Variants in CD151 observed in about 807,000 individuals in gnomAD.
The protein encoded by CD151 is CD151 antigen.
A neutral mutation model predicts 34.2 loss-of-function variants in CD151; 20 were observed. The ratio of observed to expected loss-of-function variants is 0.58; its 90% CI spans 0.41 to 0.85. CD151 has a LOEUF of 0.85. Ranked by LOEUF, CD151 falls within the 40% of genes least tolerant of loss-of-function variation. The pLI, the probability that CD151 is intolerant of heterozygous loss-of-function variation, is 0.00. For synonymous variants in CD151, 157 were observed against 131.7 expected (o/e 1.19, Z -1.32); for missense variants, 306 against 324.5 (o/e 0.94, Z 0.44).
At chr11:833,232 C>T (rs1485528846) in intron 1 of CD151, among the ~76,000 whole-genome samples, 2 of 151,730 alleles carry the variant, frequency 1.3e-5, no homozygotes, top group Non-Finnish European at 2.9e-5. Flanking sequence ...CCTCGCCTGC[C>T]CTTCCGCGGG....
chr11:833,238 G>A (rs1242155828), intron 1 of CD151, among the ~76,000 whole-genome samples: 1 of 151,920 alleles, frequency 6.6e-6, no homozygotes, highest in Non-Finnish European at 1.5e-5. Flanking sequence ...CTGCCCTTCC[G>A]CGGGAGGCGG....
At chr11:837,757 G>GT in intron 7 of CD151, 139 bp downstream of exon 7, 1 of 938,912 alleles carries the variant, frequency 1.1e-6, no homozygotes, top group Non-Finnish European at 1.6e-6. Flanking sequence ...GATGTGGGCA[G>GT]TGAGACCACA....
chr11:838,598 C>G lies in CD151; in HGVS notation c.*406C>G. On this transcript the variant is annotated 3_prime_UTR_variant, in exon 9 of 9. Coordinates refer to ENST00000397420, the MANE Select transcript of CD151 (RefSeq NM_004357.5). ...TTGGGGAAGCCAGGTGAGCTCTGACCCTTGGGCCTGGGCCTCTGCCCCTCC... is the reference window on the plus strand; with the variant it reads ...TTGGGGAAGCCAGGTGAGCTCTGACGCTTGGGCCTGGGCCTCTGCCCCTCC... 3.5e-6 allele frequency: 1 copy of G among 282,864 alleles called. No homozygotes were observed. The highest frequency in any genetic ancestry group is 8.4e-5 in the East Asian group (1 of 11,924). The allele number at this position is 282,864 out of a possible 1,614,324, so 17.5% of individuals were successfully genotyped here.
At chr11:835,304 C>T (rs896857038) in intron 2 of CD151, 3 of 152,292 alleles carry the variant, frequency 2.0e-5, no homozygotes, top group African/African-American at 4.8e-5. Flanking sequence ...TGGCTCTGCC[C>T]CGACTTCTGG....
intron 2 of CD151, chr11:835,781 G>A (rs916238241): frequency 6.7e-5 from 24 of 360,012 alleles, no homozygotes; most frequent in Non-Finnish European, 1.1e-4. Context: ...TTCGCCTCCC[G>A]GGTTCACGCC....
chr11:838,383 G>A lies in CD151; in HGVS notation c.*191G>A, dbSNP rs975231305. 7 of 596,332 alleles carry A rather than the reference G, an allele frequency of 1.2e-5. No homozygotes were observed. Among genetic ancestry groups the A allele is most frequent in the Admixed American group, 3.0e-5 (1 of 33,718 alleles). The allele number at this position is 596,332 out of a possible 1,614,324, so 36.9% of individuals were successfully genotyped here. A position where few individuals can be genotyped will look rare whatever the true frequency, so the allele number is the denominator to read the frequency against. Reference sequence around the variant, plus strand: ...AGCAGGGGAGGTGAGGGGGGCTGGCGGGGCGAAGTTTGGGGGGTGTTTTGT... The same window carrying A: ...AGCAGGGGAGGTGAGGGGGGCTGGCAGGGCGAAGTTTGGGGGGTGTTTTGT... On this transcript the variant is annotated 3_prime_UTR_variant, in exon 9 of 9. Transcript: ENST00000397420.
chr11:834,242 C>G (rs962906687), intron 1 of CD151, among the ~76,000 whole-genome samples: 3 of 152,102 alleles, frequency 2.0e-5, no homozygotes, highest in African/African-American at 7.2e-5. Context: ...GCCTGTAATC[C>G]CAGTGACTCA....
intron 5 of CD151, 82 bp from the exon 6 acceptor site, chr11:837,168 C>A: frequency 8.3e-7 from 1 of 1,198,252 alleles, no homozygotes; most frequent in Non-Finnish European, 1.2e-6. Context: ...CCGGGCCTCC[C>A]CACCGGCCAT....
chr11:836,714 C>T (rs762055563), intron 4 of CD151, 55 bp from the exon 5 acceptor site: 356 of 1,543,396 alleles, frequency 2.3e-4, no homozygotes, highest in Non-Finnish European at 3.2e-4. Context: ...CTGAGGTGCA[C>T]TAGGTCTAGG....
intron 5 of CD151, 117 bp downstream of exon 5, chr11:836,960 A>G: frequency 1.1e-6 from 1 of 912,424 alleles, no homozygotes; most frequent in South Asian, 1.4e-5. Flanking sequence ...AGAGCTAACC[A>G]ATGTGCCACT....
Position 836,765 on chromosome 11 carries a change from C to T in CD151, c.277-4C>T, listed in dbSNP as rs376390859. 1.2e-6 allele frequency: 2 copies of T among 1,612,680 alleles called. No individual in the cohort carries two copies. The highest frequency in any genetic ancestry group is 2.2e-5 in the South Asian group (2 of 91,068). On this transcript the variant is annotated splice_region_variant and splice_polypyrimidine_tract_variant and intron_variant, in intron 4 of 8. Transcript: ENST00000397420. ...CAAGGGTGCCCTTGTGCTGCCCCCC[C>T]CAGTACTTCATCCTGCTCCTCATCA... is the stretch of plus-strand genomic sequence containing the variant.
chr11:836,686 C>CG, intron 4 of CD151, 83 bp from the exon 5 acceptor site: 1 of 1,362,378 alleles, frequency 7.3e-7, no homozygotes, highest in Non-Finnish European at 1.0e-6. Context: ...CCTGGGGAGC[C>CG]GGGGTGGGGA....
At chr11:835,407 C>T (rs7126859) in intron 2 of CD151, 67,608 of 150,640 alleles carry the variant, frequency 0.45, 15,693 homozygotes, top group Admixed American at 0.57. Flanking sequence ...GGCACCATCT[C>T]GGCTCACTGC....
intron 2 of CD151, chr11:835,161 G>A (rs535338239): frequency 1.3e-5 from 2 of 152,320 alleles, no homozygotes; most frequent in East Asian, 1.9e-4. Flanking sequence ...GTGATGGCGG[G>A]AGGTCCTCCA....
In CD151 at chr11:836,170, T is replaced by TTGCCCC. The variant is rs1846756259; in HGVS notation, c.84+18_84+23dup. The stretch of plus-strand genomic sequence containing the variant: ...TGCTTCTGGGTGAGGAGGGGTCGCC[T>TTGCCCC]TGCCCCCACCCCCACCCCCACCCCT... On this transcript the variant is annotated intron_variant, in intron 3 of 8. Coordinates refer to ENST00000397420, the MANE Select transcript of CD151 (RefSeq NM_004357.5). 6.4e-7 allele frequency: 1 copy of TTGCCCC among 1,559,424 alleles called. No individual in the cohort carries two copies. The highest frequency in any genetic ancestry group is 1.4e-5 in the African/African-American group (1 of 73,984).
chr11:834,083 C>CCGAAGGTATG (rs1846663005), intron 1 of CD151: 2 of 152,268 alleles, frequency 1.3e-5, no homozygotes, highest in South Asian at 4.1e-4. Flanking sequence ...AGGTCCCTCC[C>CCGAAGGTATG]AGGATCAGAC....
chr11:835,192 G>A (rs1846706581), intron 2 of CD151: 2 of 152,218 alleles, frequency 1.3e-5, no homozygotes. Context: ...CCTGTCTGTG[G>A]GCACCAGGGG....
chr11:835,139 GGT>G (rs1846704155), intron 2 of CD151: 1 of 152,236 alleles, frequency 6.6e-6, no homozygotes. Flanking sequence ...CGCTAGCAGG[GGT>G]GAGTCAGCAG....
chr11:837,536 G>T lies in CD151; in HGVS notation c.533G>T (p.Arg178Leu), dbSNP rs779114765. 2 of 1,612,938 alleles carry T rather than the reference G, an allele frequency of 1.2e-6. No individual in the cohort carries two copies. Among genetic ancestry groups the T allele is most frequent in the African/African-American group, 1.3e-5 (1 of 74,922 alleles). ...ATCCGCTCACAGGAGGCCGGTGGCC[G>T]TGTGGTCCCAGACAGCTGCTGCAAG... ...EWIRSQEAGG[R>L]VVPDSCCKTV... Residue 178 changes from arginine to leucine, a missense_variant, in exon 7 of 9, where the codon CGT becomes CTT. Coordinates refer to ENST00000397420, the MANE Select transcript of CD151 (RefSeq NM_004357.5).
Sources: gnomAD v4.1 joint callset for allele counts (sites outside exome capture counted in the v4.1 genomes callset) on GRCh38, gnomAD v4.1.1 for gene constraint, MANE v1.5 for transcripts, NCBI Gene and HGNC (gene_info 2026-07-23, HGNC 2026-07-21) for gene names.